UBE4B: variants seen among roughly 807,000 people sequenced by gnomAD.
UBE4B encodes the protein ubiquitination factor E4B.
In UBE4B, 27 loss-of-function variants were observed where a neutral mutation model predicts 148.1. The observed-to-expected ratio is 0.18, with a 90% CI of 0.13 to 0.25. UBE4B has a LOEUF of 0.25. Ranked by LOEUF, UBE4B falls within the 10% of genes least tolerant of loss-of-function variation. The probability of loss-of-function intolerance (pLI) is 1.00; values close to 1 mark genes in which losing one functional copy is unlikely to be tolerated. For synonymous variants in UBE4B, 596 were observed against 619.3 expected (o/e 0.96, Z 0.56); for missense variants, 1,170 against 1,662.4 (o/e 0.70, Z 5.15).
Position 10,162,458 on chromosome 1 carries a change from C to T in UBE4B, c.3198+1172C>T, listed in dbSNP as rs1278290154. Among the ~76,000 whole-genome samples the T allele has an allele frequency of 4.6e-5, 7 of 151,932 alleles. No individual in the cohort carries two copies. The East Asian group carries it at 1.4e-3, about 29-fold the overall frequency. On this transcript the variant is annotated intron_variant, in intron 23 of 27. Coordinates refer to ENST00000343090, the MANE Select transcript of UBE4B (RefSeq NM_001105562.3). ...AAAGTGCTGGGATTACAGGCGTGAGCCATTGCACCCGGACAATTTTTGTAT... is the reference window on the plus strand; with the variant it reads ...AAAGTGCTGGGATTACAGGCGTGAGTCATTGCACCCGGACAATTTTTGTAT...
Position 10,038,536 on chromosome 1 carries a change from G to C in UBE4B, c.24+4842G>C, listed in dbSNP as rs562884979. ...TCAGGTTAAGTAACTTGTCCATAGC[G>C]ACCTGGCTTAGAAGTGATGGGGTTG... On this transcript the variant is annotated intron_variant, in intron 1 of 27. Coordinates refer to ENST00000343090, the MANE Select transcript of UBE4B (RefSeq NM_001105562.3). 7.9e-5 allele frequency among the ~76,000 whole-genome samples: 12 copies of C among 152,246 alleles called. No individual in the cohort carries two copies. In the South Asian group the frequency reaches 8.3e-4, roughly 11 times the overall value.
At chr1:10,163,398 G>C (rs1646197791) in intron 23 of UBE4B, 1 of 152,136 alleles carries the variant, frequency 6.6e-6, no homozygotes, top group Non-Finnish European at 1.5e-5. Flanking sequence ...GGCCAGGGGT[G>C]GTGGCTCACG....
chr1:10,180,131 A>C lies in UBE4B; in HGVS notation c.*175A>C. 1 of 670,858 alleles carries C rather than the reference A, an allele frequency of 1.5e-6. No homozygotes were observed. Among genetic ancestry groups the C allele is most frequent in the Non-Finnish European group, 2.5e-6 (1 of 392,788 alleles). The allele number at this position is 670,858 out of a possible 1,614,324, so 41.6% of individuals were successfully genotyped here. A position where few individuals can be genotyped will look rare whatever the true frequency, so the allele number is the denominator to read the frequency against. On this transcript the variant is annotated 3_prime_UTR_variant, in exon 28 of 28. Coordinates refer to ENST00000343090, the MANE Select transcript of UBE4B (RefSeq NM_001105562.3). ...CTGAAAGGACATGGATGAGAAGAGG[A>C]GCCCGCTTCCTGTACATATATTTAA...
chr1:10,084,661 C>G (rs1335094361), intron 2 of UBE4B, among the ~76,000 whole-genome samples: 1 of 151,824 alleles, frequency 6.6e-6, no homozygotes, highest in South Asian at 2.1e-4. Context: ...TTCGCCATCT[C>G]CCTTTAGTTT....
At chr1:10,121,825 G>T (rs1345845976) in intron 9 of UBE4B, 137 bp from the exon 10 acceptor site, 1 of 518,210 alleles carries the variant, frequency 1.9e-6, no homozygotes, top group African/African-American at 1.9e-5. Flanking sequence ...GTTAGCTTTC[G>T]CCTGAAACTA....
intron 4 of UBE4B, among the ~76,000 whole-genome samples, chr1:10,102,502 C>T (rs1645032586): frequency 1.4e-5 from 2 of 145,648 alleles, no homozygotes; most frequent in African/African-American, 5.1e-5. Flanking sequence ...CCTCCGCCTC[C>T]TGGGTTCAAG....
In UBE4B at chr1:10,033,709, G is replaced by A; in HGVS notation, c.24+15G>A. On this transcript the variant is annotated intron_variant, in intron 1 of 27. Coordinates refer to ENST00000343090, the MANE Select transcript of UBE4B (RefSeq NM_001105562.3). ...GCGCTGATGAGGTGAGGAGGTTGGG[G>A]GACACCTTGAGGGATTAGTTGGCAA... The A allele has an allele frequency of 1.3e-6, 2 of 1,560,918 alleles. No individual in the cohort carries two copies. Among genetic ancestry groups the A allele is most frequent in the Non-Finnish European group, 8.7e-7 (1 of 1,154,084 alleles).
At chr1:10,130,836 C>T in intron 14 of UBE4B, 23 bp downstream of exon 14, 1 of 1,598,928 alleles carries the variant, frequency 6.3e-7, no homozygotes, top group Non-Finnish European at 8.6e-7. Context: ...AAAACAAATC[C>T]AGAGGAAGTA....
intron 21 of UBE4B, among the ~76,000 whole-genome samples, chr1:10,152,858 C>T (rs1450876149): frequency 6.6e-6 from 1 of 151,962 alleles, no homozygotes; most frequent in African/African-American, 2.4e-5. Context: ...TAGCCATCTT[C>T]TATCCCTCAG....
At chr1:10,129,857 T>A (rs1054296345) in intron 12 of UBE4B, among the ~76,000 whole-genome samples, 1 of 152,088 alleles carries the variant, frequency 6.6e-6, no homozygotes, top group African/African-American at 2.4e-5. Context: ...TTTACCATGT[T>A]GGCCAGGCTG....
chr1:10,179,675 C>A, intron 27 of UBE4B, 113 bp downstream of exon 27: 1 of 1,525,370 alleles, frequency 6.6e-7, no homozygotes, highest in Non-Finnish European at 8.8e-7. Context: ...CAGAAACTAC[C>A]TACTTTATGA....
At chr1:10,145,337 C>T (rs1187213179) in intron 18 of UBE4B, 2 of 178,902 alleles carry the variant, frequency 1.1e-5, no homozygotes, top group Non-Finnish European at 2.3e-5. Flanking sequence ...GTGGCTCACA[C>T]CTGTAATCCC....
chr1:10,145,812 C>G (rs1003494334), intron 18 of UBE4B, among the ~76,000 whole-genome samples: 8 of 152,172 alleles, frequency 5.3e-5, no homozygotes, highest in Non-Finnish European at 1.2e-4. Context: ...ATTGATTCAT[C>G]ACACAAAACC....
At chr1:10,047,104 C>A (rs1319474343) in intron 1 of UBE4B, among the ~76,000 whole-genome samples, 2 of 152,134 alleles carry the variant, frequency 1.3e-5, no homozygotes, top group Non-Finnish European at 2.9e-5. Context: ...GTATCTGTGC[C>A]CATGCTGACC....
intron 10 of UBE4B, among the ~76,000 whole-genome samples, chr1:10,122,432 A>G (rs910821087): frequency 9.9e-5 from 15 of 152,236 alleles, no homozygotes; most frequent in Non-Finnish European, 5.9e-5. Flanking sequence ...GTAGTGTCAA[A>G]AATTCATTCT....
At chr1:10,076,110 A>G (rs560370813) in intron 2 of UBE4B, among the ~76,000 whole-genome samples, 2 of 152,340 alleles carry the variant, frequency 1.3e-5, no homozygotes, top group African/African-American at 4.8e-5. Flanking sequence ...AAAAGCTGGC[A>G]TGAGGAAGGT....
intron 5 of UBE4B, among the ~76,000 whole-genome samples, chr1:10,104,877 A>G (rs1169390340): frequency 3.9e-5 from 6 of 152,260 alleles, no homozygotes; most frequent in Non-Finnish European, 2.9e-5. Flanking sequence ...CAAATCAGAT[A>G]AAATTTCCAT....
At chr1:10,064,126 T>C (rs947338555) in intron 1 of UBE4B, among the ~76,000 whole-genome samples, 1 of 152,158 alleles carries the variant, frequency 6.6e-6, no homozygotes, top group East Asian at 1.9e-4. Context: ...AAACAGTGTG[T>C]GTGCTCACAA....
chr1:10,033,961 T>A (rs1400362339), intron 1 of UBE4B, among the ~76,000 whole-genome samples: 1 of 152,230 alleles, frequency 6.6e-6, no homozygotes, highest in African/African-American at 2.4e-5. Flanking sequence ...TCTTGAGGTG[T>A]TTATTCTTTT....
Sources: allele counts gnomAD v4.1 joint callset (sites outside exome capture counted in the v4.1 genomes callset), GRCh38; gene constraint gnomAD v4.1.1; transcripts MANE v1.5; gene names NCBI Gene and HGNC (gene_info 2026-07-23, HGNC 2026-07-21).